The following USP30 variants were observed in gnomAD, a reference collection of about 807,000 sequenced individuals.
USP30 encodes the protein ubiquitin specific peptidase 30, also known as ubiquitin carboxyl-terminal hydrolase 30.
Under a neutral mutation model 68.2 loss-of-function variants are expected in USP30, and 41 were observed. The ratio of observed to expected loss-of-function variants is 0.60; its 90% CI spans 0.47 to 0.78. The LOEUF is 0.78. Ranked by LOEUF, USP30 falls within the 30% of genes least tolerant of loss-of-function variation. USP30 has a pLI of 0.00. For synonymous variants in USP30, 229 were observed against 253.7 expected (o/e 0.90, Z 0.93); for missense variants, 522 against 649.4 (o/e 0.80, Z 2.13).
At position 109,087,281 on chromosome 12, in the gene USP30, G is replaced by A. The variant is rs2041968721; in HGVS notation, c.*1350G>A. 1 of 152,136 alleles carries A rather than the reference G, an allele frequency of 6.6e-6. No homozygotes were observed. The highest frequency in any genetic ancestry group is 1.5e-5 in the Non-Finnish European group (1 of 68,032). 9.4% of individuals were successfully genotyped at this position (152,136 alleles called of 1,614,324 possible). A position where few individuals can be genotyped will look rare whatever the true frequency, so the allele number is the denominator to read the frequency against. ...GATTTGGAATCAGACCTTTCCAAAA[G>A]GTCATCTGAGGTAAGGCTAAGACCG... On this transcript the variant is annotated 3_prime_UTR_variant, in exon 13 of 13. Transcript: ENST00000257548.
At chr12:109,030,156 T>C (rs1395404915) in intron 3 of USP30, among the ~76,000 whole-genome samples, 3 of 152,226 alleles carry the variant, frequency 2.0e-5, no homozygotes, top group Non-Finnish European at 4.4e-5. Context: ...CCTGCCCAGC[T>C]GTCAATCATT....
intron 8 of USP30, chr12:109,081,700 G>A (rs1293035667): frequency 2.3e-5 from 14 of 607,438 alleles, no homozygotes; most frequent in Admixed American, 1.8e-4. Context: ...CTAAAACAGC[G>A]TGGAAGTCCA....
intron 2 of USP30, among the ~76,000 whole-genome samples, chr12:109,027,082 A>G (rs193235435): frequency 1.3e-5 from 2 of 152,268 alleles, no homozygotes; most frequent in African/African-American, 4.8e-5. Flanking sequence ...GTGGACACAA[A>G]CATTCAGTCC....
chr12:109,036,432 C>T (rs2040521179), intron 3 of USP30, among the ~76,000 whole-genome samples: 1 of 151,884 alleles, frequency 6.6e-6, no homozygotes, highest in African/African-American at 2.4e-5. Flanking sequence ...TCCTGAGTAG[C>T]TGGGATTACA....
At chr12:109,057,794 CTG>C (rs2040922129) in intron 2 of USP30, 130 bp from the exon 3 acceptor site, 8 of 1,018,436 alleles carry the variant, frequency 7.9e-6, no homozygotes, top group Non-Finnish European at 1.2e-5. Context: ...CCCCAGATCT[CTG>C]TGGATAAGGA....
At chr12:109,080,329 A>G (rs957847656) in intron 7 of USP30, among the ~76,000 whole-genome samples, 7 of 152,178 alleles carry the variant, frequency 4.6e-5, no homozygotes, top group African/African-American at 1.7e-4. Flanking sequence ...AAAGCCACAA[A>G]CACACAAATC....
intron 1 of USP30, among the ~76,000 whole-genome samples, chr12:109,053,149 A>G (rs962446761): frequency 6.6e-6 from 1 of 151,732 alleles, no homozygotes; most frequent in African/African-American, 2.4e-5. Context: ...TCCCCCAATC[A>G]TATCAGTTTC....
chr12:109,029,121 T>C (rs927583651), intron 3 of USP30, among the ~76,000 whole-genome samples: 10 of 152,222 alleles, frequency 6.6e-5, no homozygotes, highest in Non-Finnish European at 1.3e-4. Flanking sequence ...ACAGTACATC[T>C]TTTTAAGCCA....
At chr12:109,077,667 AG>A (rs1447368665) in intron 7 of USP30, among the ~76,000 whole-genome samples, 1 of 152,198 alleles carries the variant, frequency 6.6e-6, no homozygotes, top group African/African-American at 2.4e-5. Context: ...GATTAGATTT[AG>A]GTCTGCCATT....
At chr12:109,084,470 T>C (rs148996950) in intron 11 of USP30, among the ~76,000 whole-genome samples, 497 of 152,310 alleles carry the variant, frequency 3.3e-3, no homozygotes, top group African/African-American at 0.012. Flanking sequence ...GGGCAGTGTC[T>C]GGTAACATTT....
At position 109,082,835 on chromosome 12, in the gene USP30, A is replaced by G. The variant is rs762622050; in HGVS notation, c.949-8A>G. 77 of 1,611,998 alleles carry G rather than the reference A, an allele frequency of 4.8e-5. No homozygotes were observed. The highest frequency in any genetic ancestry group is 3.4e-5 in the Non-Finnish European group (40 of 1,178,658). ...ACTCGGTTCTCCCGATTTCTCTTCC[A>G]CCCGCAGCTCCCTCAGTGTCTCTGC... is the stretch of plus-strand genomic sequence containing the variant. On this transcript the variant is annotated splice_polypyrimidine_tract_variant and splice_region_variant and intron_variant, in intron 10 of 12. Coordinates refer to ENST00000257548, the MANE Select transcript of USP30 (RefSeq NM_032663.5).
At chr12:109,032,647 G>T (rs1029750811) in intron 3 of USP30, among the ~76,000 whole-genome samples, 1 of 152,182 alleles carries the variant, frequency 6.6e-6, no homozygotes, top group Non-Finnish European at 1.5e-5. Flanking sequence ...TTAGGAATGG[G>T]GTTGTGGAGG....
rs761923280 is a variant in USP30 at position 109,073,525 on chromosome 12, A to C, written c.713A>C (p.Glu238Ala). The change falls in exon 7 of 13, where the codon GAA becomes GCA. Residue 238 changes from glutamate (E) to alanine (A), a missense_variant. Physicochemically the swap from Glu to Ala is moderately radical, Grantham distance 107 (BLOSUM62 -1). Transcript: ENST00000257548. ...AGTAATATGGTCTGCAAACACTGTG[A>C]ACACCAGGTAAATACAATACCAACA... ...LTSNMVCKHC[E>A]HQSPVRFDTF... 1 of 1,611,674 alleles carries C rather than the reference A, an allele frequency of 6.2e-7. No individual in the cohort carries two copies. The highest frequency in any genetic ancestry group is 8.5e-7 in the Non-Finnish European group (1 of 1,177,722).
chr12:109,034,107 G>GTGTC lies in USP30; in HGVS notation c.-136+6554_-136+6557dup, dbSNP rs564619938. 1.2e-3 allele frequency among the ~76,000 whole-genome samples: 184 copies of GTGTC among 152,292 alleles called. 3 individuals are homozygous for GTGTC. In the South Asian group the frequency reaches 0.022, roughly 18 times the overall value. On this transcript the variant is annotated intron_variant, in intron 3 of 15. Coordinates refer to the USP30 transcript ENST00000392784. The stretch of plus-strand genomic sequence containing the variant: ...AGCTCTCAAACAAAAACAGCTCAAC[G>GTGTC]TGTCTGAGTCGTTGTTTTCAAAGGA...
chr12:109,034,800 G>A lies in USP30; in HGVS notation c.-136+7244G>A, dbSNP rs149787066. The stretch of plus-strand genomic sequence containing the variant: ...TTTTTTTTCATTGTATTTTGGGCCT[G>A]TATTGTTAAGTGCATGTATGATTAC... On this transcript the variant is annotated intron_variant, in intron 3 of 15. Coordinates refer to the USP30 transcript ENST00000392784. 2.1e-3 allele frequency among the ~76,000 whole-genome samples: 321 copies of A among 151,664 alleles called. 1 individual carries two copies. The highest frequency in any genetic ancestry group is 7.0e-3 in the African/African-American group (291 of 41,324).
intron 11 of USP30, among the ~76,000 whole-genome samples, chr12:109,083,466 G>A (rs1272610620): frequency 1.3e-5 from 2 of 152,072 alleles, no homozygotes; most frequent in East Asian, 3.9e-4. Context: ...AGCCTCTTCT[G>A]GGGGTTGAAA....
intron 1 of USP30, among the ~76,000 whole-genome samples, chr12:109,024,359 GC>G (rs2040428571): frequency 6.6e-6 from 1 of 151,940 alleles, no homozygotes. Context: ...TCAGGCTCAA[GC>G]CATCCTCCCA....
rs534964605 is a variant in USP30 at position 109,067,293 on chromosome 12, A to T, written c.377-231A>T. Among the ~76,000 whole-genome samples, 232 of 142,866 alleles carry T rather than the reference A, an allele frequency of 1.6e-3. 1 individual carries two copies. Among genetic ancestry groups the T allele is most frequent in the African/African-American group, 5.5e-3 (218 of 39,398 alleles). The allele number at this position is 142,866 out of a possible 152,430, so 93.7% of individuals were successfully genotyped here. On this transcript the variant is annotated intron_variant, in intron 3 of 12. Transcript: ENST00000257548. ...CACGCCCGGCTAATTTTTTTTTTTT[A>T]TTTTTAGTGGAGACGGAGTTTCACC... is the stretch of plus-strand genomic sequence containing the variant.
chr12:109,036,307 CTT>C (rs543582071), intron 3 of USP30, among the ~76,000 whole-genome samples: 7 of 126,104 alleles, frequency 5.6e-5, no homozygotes, highest in Admixed American at 1.5e-4. Flanking sequence ...TTCTTTCTTT[CTT>C]TTTTTTTTTT....
Sources: gnomAD v4.1 joint callset for allele counts (sites outside exome capture counted in the v4.1 genomes callset) on GRCh38, gnomAD v4.1.1 for gene constraint, MANE v1.5 for transcripts, NCBI Gene and HGNC (gene_info 2026-07-23, HGNC 2026-07-21) for gene names.